WARS2: variants seen among roughly 807,000 people sequenced by gnomAD.
WARS2 encodes the protein tryptophanyl tRNA synthetase 2, mitochondrial, also known as tryptophan--tRNA ligase, mitochondrial.
Under a neutral mutation model 36.5 loss-of-function variants are expected in WARS2, and 28 were observed. The observed-to-expected ratio is 0.77, with a 90% CI of 0.57 to 1.05. The LOEUF (loss-of-function observed/expected upper bound fraction) is 1.05, where lower values mean the gene tolerates loss of function less well. Ranked by LOEUF, WARS2 falls within the 50% of genes least tolerant of loss-of-function variation. WARS2 has a pLI of 0.00. For missense variants in WARS2, 435 were observed against 456.8 expected (o/e 0.95, Z 0.44); for synonymous variants, 174 against 178.4 (o/e 0.98, Z 0.20).
intron 1 of WARS2, among the ~76,000 whole-genome samples, chr1:119,120,176 A>G (rs10923753): frequency 0.24 from 37,185 of 152,006 alleles, 6,048 homozygotes; most frequent in East Asian, 0.52. Context: ...TTAACCAAGA[A>G]GAAAGAAGAT....
intron 1 of WARS2, among the ~76,000 whole-genome samples, chr1:119,112,753 G>T (rs187705140): frequency 1.3e-5 from 2 of 152,278 alleles, no homozygotes; most frequent in Admixed American, 1.3e-4. Flanking sequence ...AAGTTACCAG[G>T]CAACAGTAAA....
chr1:119,078,562 A>G (rs1651914863), intron 1 of WARS2, among the ~76,000 whole-genome samples: 1 of 151,908 alleles, frequency 6.6e-6, no homozygotes, highest in Admixed American at 6.6e-5. Flanking sequence ...TTATGGTTTA[A>G]CTCTCTTTGA....
chr1:119,033,355 G>A lies in WARS2; in HGVS notation c.639C>T (p.Ser213=). 6.2e-7 allele frequency: 1 copy of A among 1,614,058 alleles called. No homozygotes were observed. The highest frequency in any genetic ancestry group is 8.5e-7 in the Non-Finnish European group (1 of 1,180,000). The change falls in exon 6 of 6, where the codon TCC becomes TCT. Residue 213 remains serine (S), a synonymous_variant. Coordinates refer to ENST00000235521, the MANE Select transcript of WARS2 (RefSeq NM_015836.4). ...CACGTAGGGATTTTACCTTCTTCAT[G>A]GATGCTAGGTTAAAAACACCAACAC... ...FFPVPESILT[S]MKKVKSLRDP... is the part of the protein sequence containing the mutation.
At chr1:119,095,310 G>C (rs1653352889) in intron 1 of WARS2, among the ~76,000 whole-genome samples, 1 of 152,202 alleles carries the variant, frequency 6.6e-6, no homozygotes, top group Non-Finnish European at 1.5e-5. Flanking sequence ...TAACTTAGTA[G>C]TTTAGTCTCT....
intron 1 of WARS2, among the ~76,000 whole-genome samples, chr1:119,108,567 ATC>A (rs1338580262): frequency 1.3e-5 from 2 of 151,648 alleles, no homozygotes; most frequent in Admixed American, 6.6e-5. Flanking sequence ...AATTTGTGTC[ATC>A]TCTTTATTTC....
intron 1 of WARS2, among the ~76,000 whole-genome samples, chr1:119,086,709 G>C (rs1055994820): frequency 2.0e-5 from 3 of 152,156 alleles, no homozygotes; most frequent in Non-Finnish European, 2.9e-5. Flanking sequence ...GGAGAAGAAA[G>C]ATACTAAAAT....
intron 3 of WARS2, among the ~76,000 whole-genome samples, chr1:119,043,824 T>C (rs906750894): frequency 1.3e-5 from 2 of 152,220 alleles, no homozygotes; most frequent in Non-Finnish European, 2.9e-5. Flanking sequence ...TGAGTGCCTA[T>C]TATGTGCTCC....
rs182849867 is a variant in WARS2, at chr1:119,131,743, G to A, written c.90+8812C>T. Among the ~76,000 whole-genome samples, 342 of 152,268 alleles carry A rather than the reference G, an allele frequency of 2.2e-3. 1 individual carries two copies. Among genetic ancestry groups the A allele is most frequent in the African/African-American group, 7.7e-3 (321 of 41,544 alleles). On this transcript the variant is annotated intron_variant, in intron 1 of 5. Transcript: ENST00000235521. ...CCCAAAGTGCTGGGATTACAGGCGT[G>A]AGCCACAGCGCCGGCCCGGACTGTA...
At chr1:119,040,941 TA>T (rs561048496) in intron 4 of WARS2, among the ~76,000 whole-genome samples, 83 of 152,302 alleles carry the variant, frequency 5.4e-4, no homozygotes, top group Non-Finnish European at 1.1e-3. Flanking sequence ...AGCTACTTAT[TA>T]CAAATAATAA....
chr1:119,124,252 G>A (rs1340721563), intron 1 of WARS2, among the ~76,000 whole-genome samples: 4 of 152,050 alleles, frequency 2.6e-5, no homozygotes, highest in African/African-American at 7.2e-5. Flanking sequence ...CAACACTTTG[G>A]GAGGCCAAGG....
chr1:119,070,957 C>T (rs964259609), intron 2 of WARS2, among the ~76,000 whole-genome samples: 14 of 151,824 alleles, frequency 9.2e-5, no homozygotes, highest in African/African-American at 3.4e-4. Context: ...CTAAGGTGGA[C>T]AGATCATTTG....
intron 2 of WARS2, among the ~76,000 whole-genome samples, chr1:119,071,557 G>T (rs1455833415): frequency 6.6e-6 from 1 of 152,280 alleles, no homozygotes. Flanking sequence ...GATGAACCCA[G>T]AGGACATTTT....
chr1:119,055,691 A>G (rs1649724436), intron 2 of WARS2, among the ~76,000 whole-genome samples: 1 of 149,394 alleles, frequency 6.7e-6, no homozygotes, highest in Admixed American at 6.6e-5. Context: ...GCAAGAAAGA[A>G]AGAAAAGAAA....
At chr1:119,121,578 T>C (rs1355155926) in intron 1 of WARS2, among the ~76,000 whole-genome samples, 2 of 151,778 alleles carry the variant, frequency 1.3e-5, no homozygotes, top group Non-Finnish European at 2.9e-5. Context: ...AAAGCCCACA[T>C]AGCCAAAGCA....
chr1:119,058,307 CT>C (rs56404141), intron 2 of WARS2, among the ~76,000 whole-genome samples: 204 of 128,056 alleles, frequency 1.6e-3, no homozygotes, highest in East Asian at 4.1e-3. Context: ...TTCCCTATTT[CT>C]TTTTTTTTTT....
At chr1:119,047,407 T>TA (rs1388659977) in intron 2 of WARS2, 2 of 152,176 alleles carry the variant, frequency 1.3e-5, no homozygotes, top group Non-Finnish European at 2.9e-5. Context: ...GCTTTGGTGA[T>TA]ACGCAAAAAG....
rs587721100 is a variant in WARS2, at chr1:119,115,439, T to C, written c.90+25116A>G. ...GAGAGCAAACCCTGCCTGTGATCATTAGACAGACTGGACCAAGTGCCTCAA... is the reference window on the plus strand; with the variant it reads ...GAGAGCAAACCCTGCCTGTGATCATCAGACAGACTGGACCAAGTGCCTCAA... On this transcript the variant is annotated intron_variant, in intron 1 of 5. Transcript: ENST00000235521. Among the ~76,000 whole-genome samples, 3 of 152,296 alleles carry C rather than the reference T, an allele frequency of 2.0e-5. No homozygotes were observed. In the East Asian group the frequency reaches 5.8e-4, roughly 29 times the overall value.
In WARS2 at chr1:119,032,874, A is replaced by G. The variant is rs762139228; in HGVS notation, c.*37T>C. On this transcript the variant is annotated 3_prime_UTR_variant, in exon 6 of 6. Coordinates refer to ENST00000235521, the MANE Select transcript of WARS2 (RefSeq NM_015836.4). ...GCCGTTATCAGAATGCATGGAGTGC[A>G]AGGCACAAAAGCCTTGCTGTGATTC... 1.3e-6 allele frequency: 2 copies of G among 1,570,926 alleles called. No homozygotes were observed. Among genetic ancestry groups the G allele is most frequent in the South Asian group, 1.2e-5 (1 of 85,156 alleles).
chr1:119,066,396 T>G (rs1650865135), intron 2 of WARS2, among the ~76,000 whole-genome samples: 1 of 144,432 alleles, frequency 6.9e-6, no homozygotes, highest in Non-Finnish European at 1.5e-5. Flanking sequence ...GAGAATGGCG[T>G]GAACCTGGGA....
Sources: gnomAD v4.1 joint callset for allele counts (sites outside exome capture counted in the v4.1 genomes callset) on GRCh38, gnomAD v4.1.1 for gene constraint, MANE v1.5 for transcripts, NCBI Gene and HGNC (gene_info 2026-07-23, HGNC 2026-07-21) for gene names.